Variants in ZNF469 observed in about 807,000 individuals in gnomAD.
The protein encoded by ZNF469 is zinc finger protein 469.
ZNF469 carries 1 observed loss-of-function variant against 1.0 expected under a neutral mutation model. The observed-to-expected ratio is 1.00, with a 90% CI of 0.35 to 4.73. The LOEUF is 4.73. Among genes scored for constraint, ZNF469 ranks in the 30% most tolerant of loss-of-function variants. The pLI, the probability that ZNF469 is intolerant of heterozygous loss-of-function variation, is 0.16. For missense variants in ZNF469, 6,100 were observed against 5,356.3 expected, an observed-to-expected ratio of 1.14 and a Z score of -4.33; for synonymous variants, 2,703 against 2,363.4, an observed-to-expected ratio of 1.14 and a Z score of -4.17.
At chr16:88,152,587 C>T in the ZNF469 span, among the ~76,000 whole-genome samples, 1,902 of 152,248 alleles carry the variant, frequency 0.012, 11 homozygotes, top group Non-Finnish European at 0.02. The surrounding 1 kb of genome is among the most constrained non-coding windows in gnomAD (Gnocchi z 4.2). Flanking sequence ...GGAGTCCTGG[C>T]GTCCACAGGC....
chr16:88,153,552 G>A, the ZNF469 span, among the ~76,000 whole-genome samples: 1 of 152,222 alleles, frequency 6.6e-6, no homozygotes, highest in Non-Finnish European at 1.5e-5. Flanking sequence ...TGCTTATGGG[G>A]ACACAAATGG....
chr16:88,127,208 G>A, the ZNF469 span, among the ~76,000 whole-genome samples: 1 of 152,084 alleles, frequency 6.6e-6, no homozygotes, highest in Non-Finnish European at 1.5e-5. Flanking sequence ...GCTGTTGCCT[G>A]CAGGTTCTTT....
At chr16:88,209,176 C>T in the ZNF469 span, among the ~76,000 whole-genome samples, 5 of 152,152 alleles carry the variant, frequency 3.3e-5, no homozygotes, top group Admixed American at 6.5e-5. Context: ...CACATCTATT[C>T]GGAGAAATGT....
chr16:88,436,886 C>G lies in ZNF469; in HGVS notation c.9416C>G (p.Pro3139Arg), dbSNP rs1394843915. ...GACCTGCACAAGCTGGCCCACACGC[C>G]CGCGCCGCCGCCCACCTGCTACATG... ...ELDLHKLAHT[P>R]APPPTCYMCV... The change falls in exon 3 of 3, where the codon CCC becomes CGC. Residue 3139 changes from proline to arginine, a missense_variant. Physicochemically the swap from Pro to Arg is moderately radical, Grantham distance 103 (BLOSUM62 -2). Coordinates refer to ENST00000565624, the MANE Select transcript of ZNF469 (RefSeq NM_001367624.2). 3 of 1,505,824 alleles carry G rather than the reference C, an allele frequency of 2.0e-6. No homozygotes were observed. The highest frequency in any genetic ancestry group is 2.2e-5 in the Admixed American group (1 of 46,360). 93.3% of individuals were successfully genotyped at this position (1,505,824 alleles called of 1,614,324 possible).
the ZNF469 span, among the ~76,000 whole-genome samples, chr16:88,182,546 A>C: frequency 1.3e-5 from 2 of 151,198 alleles, no homozygotes; most frequent in Admixed American, 6.6e-5. Context: ...CAAACAAGTC[A>C]GTCAACAAAA....
rs1379859891 is a variant in ZNF469 at position 88,437,573 on chromosome 16, C to T, written c.10103C>T (p.Pro3368Leu). ...AGCCCGCAGCGCGTCTACCTGTGCC[C>T]CCGGTGCCCCCGGGTCTACCCCGAG... is the stretch of plus-strand genomic sequence containing the variant. The part of the protein sequence containing the change: ...VHSPQRVYLC[P>L]RCPRVYPEHG... The change falls in exon 3 of 3, where the codon CCC (proline) becomes CTC (leucine). Residue 3368 changes from proline (P) to leucine (L), a missense_variant. Coordinates refer to ENST00000565624, the MANE Select transcript of ZNF469 (RefSeq NM_001367624.2). 1.3e-6 allele frequency: 2 copies of T among 1,536,462 alleles called. No homozygotes were observed. Among genetic ancestry groups the T allele is most frequent in the Admixed American group, 2.0e-5 (1 of 50,586 alleles).
chr16:88,273,185 G>A, the ZNF469 span, among the ~76,000 whole-genome samples: 2 of 152,060 alleles, frequency 1.3e-5, no homozygotes, highest in African/African-American at 4.8e-5. Flanking sequence ...GGATGGGTGA[G>A]TGAATGGATG....
the ZNF469 span, among the ~76,000 whole-genome samples, chr16:88,359,268 C>G: frequency 1.9e-3 from 250 of 131,936 alleles, no homozygotes; most frequent in Middle Eastern, 0.019. Flanking sequence ...GTACCCTGCC[C>G]GCATTTGCTA....
the ZNF469 span, among the ~76,000 whole-genome samples, chr16:88,291,386 G>A: frequency 6.6e-6 from 1 of 152,208 alleles, no homozygotes; most frequent in Admixed American, 6.5e-5. Flanking sequence ...ATCGGACGTA[G>A]AAGCAGCTTT....
At chr16:88,167,795 C>G in the ZNF469 span, among the ~76,000 whole-genome samples, 10 of 152,364 alleles carry the variant, frequency 6.6e-5, 1 homozygote, top group African/African-American at 2.4e-4. Flanking sequence ...GGAAGAGCAG[C>G]TGTTGTGTAA....
At chr16:88,360,056 C>T in the ZNF469 span, among the ~76,000 whole-genome samples, 2 of 152,190 alleles carry the variant, frequency 1.3e-5, no homozygotes, top group African/African-American at 4.8e-5. Flanking sequence ...GGGGTTTCAT[C>T]ATGTTGGCCA....
At chr16:88,258,169 T>C in the ZNF469 span, among the ~76,000 whole-genome samples, 1 of 151,764 alleles carries the variant, frequency 6.6e-6, no homozygotes, top group East Asian at 1.9e-4. Context: ...AGAAACATAA[T>C]TGAGAAACAG....
the ZNF469 span, among the ~76,000 whole-genome samples, chr16:88,281,400 T>A: frequency 6.7e-6 from 1 of 149,234 alleles, no homozygotes; most frequent in Non-Finnish European, 1.5e-5. Context: ...CATGGGTAAG[T>A]GCTGTGCCAC....
the ZNF469 span, among the ~76,000 whole-genome samples, chr16:88,338,564 C>T: frequency 6.6e-6 from 1 of 152,208 alleles, no homozygotes; most frequent in African/African-American, 2.4e-5. Flanking sequence ...TGTGCTGTCA[C>T]CAAGGAAGAA....
chr16:88,382,948 C>G (rs576496741), upstream of ZNF469, among the ~76,000 whole-genome samples: 1,115 of 151,336 alleles, frequency 7.4e-3, 17 homozygotes, highest in African/African-American at 0.025. Context: ...CCGCCCCAGC[C>G]TCCGGGGGGC....
chr16:88,167,952 C>G, the ZNF469 span, among the ~76,000 whole-genome samples: 8 of 152,238 alleles, frequency 5.3e-5, no homozygotes, highest in Admixed American at 2.0e-4. Flanking sequence ...ACACTGCCCC[C>G]CTCCAAACAT....
the ZNF469 span, among the ~76,000 whole-genome samples, chr16:88,261,901 C>A: frequency 5.3e-5 from 8 of 152,162 alleles, no homozygotes; most frequent in Admixed American, 4.6e-4. This position sits in a 1 kb window ranked among gnomAD's most constrained non-coding sequence, Gnocchi z 6.0. Context: ...CTCGGAGGCC[C>A]CCTCTCTGAG....
At chr16:88,328,578 T>C in the ZNF469 span, among the ~76,000 whole-genome samples, 4 of 152,238 alleles carry the variant, frequency 2.6e-5, no homozygotes, top group African/African-American at 9.6e-5. Flanking sequence ...TGGATCTTTG[T>C]GGGGTCCAGG....
the ZNF469 span, among the ~76,000 whole-genome samples, chr16:88,359,316 G>A: frequency 6.6e-6 from 1 of 151,812 alleles, no homozygotes; most frequent in African/African-American, 2.4e-5. Context: ...TCGGTATCCT[G>A]CCCGCATTTG....
Sources: gnomAD v4.1 joint callset for allele counts (sites outside exome capture counted in the v4.1 genomes callset) on GRCh38, gnomAD v4.1.1 for gene constraint, Gnocchi (gnomAD v3.1) non-coding constraint, MANE v1.5 for transcripts, NCBI Gene and HGNC (gene_info 2026-07-23, HGNC 2026-07-21) for gene names.